The following CAND2 variants were observed in gnomAD, a reference collection of about 807,000 sequenced individuals.
CAND2 encodes the protein cullin associated and neddylation dissociated 2 (putative), also known as cullin-associated NEDD8-dissociated protein 2.
A neutral mutation model predicts 98.9 loss-of-function variants in CAND2; 62 were observed. The ratio of observed to expected loss-of-function variants is 0.63; its 90% CI spans 0.51 to 0.77. CAND2 has a LOEUF of 0.77. CAND2 is among the 30% of genes least tolerant of loss of function. The probability of loss-of-function intolerance (pLI) is 0.00; values close to 1 mark genes in which losing one functional copy is unlikely to be tolerated. For missense variants in CAND2, 1,501 were observed against 1,655.2 expected (o/e 0.91, Z 1.62); for synonymous variants, 770 against 731.9 (o/e 1.05, Z -0.84).
intron 4 of CAND2, among the ~76,000 whole-genome samples, chr3:12,808,742 AAG>A (rs1303463930): frequency 2.0e-5 from 3 of 152,144 alleles, no homozygotes; most frequent in Non-Finnish European, 2.9e-5. Context: ...AGCCTTCTAA[AAG>A]AGAGTGCTGC....
chr3:12,818,065 T>C (rs2061924344), intron 10 of CAND2, among the ~76,000 whole-genome samples, 189 bp downstream of exon 10: 1 of 152,214 alleles, frequency 6.6e-6, no homozygotes. Flanking sequence ...GCCTTCCTCC[T>C]ATGGGACTGT....
chr3:12,810,086 C>A lies in CAND2; in HGVS notation c.519C>A (p.His173Gln). 1 of 1,448,784 alleles carries A rather than the reference C, an allele frequency of 6.9e-7. No individual in the cohort carries two copies. Among genetic ancestry groups the A allele is most frequent in the Non-Finnish European group, 9.1e-7 (1 of 1,101,174 alleles). The allele number at this position is 1,448,784 out of a possible 1,614,324, so 89.7% of individuals were successfully genotyped here. A position where few individuals can be genotyped will look rare whatever the true frequency, so the allele number is the denominator to read the frequency against. ...SRLGVPLGAF[H>Q]ASLLHCLLPQ... ...TGGGTGTCCCGCTGGGCGCCTTCCA[C>A]GCCAGCCTCCTGCACTGTCTGCTGC... The change falls in exon 5 of 15, where the codon CAC (histidine) becomes CAA (glutamine). Residue 173 changes from histidine (H) to glutamine (Q), a missense_variant. By Grantham distance (24) the His-to-Gln change is conservative (BLOSUM62 0). This residue lies in a region of CAND2 where 1,427 missense variants were observed against 1,545.3 expected (regional missense o/e 0.92). Transcript: ENST00000456430.
chr3:12,817,784 G>A lies in CAND2; in HGVS notation c.2852G>A (p.Gly951Asp). Reference protein sequence around the residue: ...LFQRCEGAEEGTRGVVAECIG... With the variant: ...LFQRCEGAEEDTRGVVAECIG... ...CAGCGCTGCGAGGGTGCTGAGGAGG[G>A]CACCCGGGGGGTGGTGGCCGAGTGC... Residue 951 changes from glycine to aspartate, a missense_variant, in exon 10 of 15, where the codon GGC becomes GAC. By Grantham distance (94) the Gly-to-Asp change is moderately conservative (BLOSUM62 -1). Coordinates refer to ENST00000456430, the MANE Select transcript of CAND2 (RefSeq NM_001162499.2). 1 of 1,537,164 alleles carries A rather than the reference G, an allele frequency of 6.5e-7. No individual in the cohort carries two copies. The highest frequency in any genetic ancestry group is 1.3e-5 in the South Asian group (1 of 77,858).
At position 12,807,400 on chromosome 3, in the gene CAND2, C is replaced by T. The variant is rs1034238003; in HGVS notation, c.307C>T (p.Arg103Ter). Reference sequence around the variant, plus strand: ...CATGCGGTCAGACAAGGAGCAGCTGCGAGACATTGCCGGCATTGGCCTCAA... The same window carrying T: ...CATGCGGTCAGACAAGGAGCAGCTGTGAGACATTGCCGGCATTGGCCTCAA... ...TNMRSDKEQLRDIAGIGLKTV... is the reference protein window; with the variant it reads ...TNMRSDKEQL The change falls in exon 3 of 15, where the codon CGA (arginine) becomes TGA (stop). Residue 103 changes from arginine (R) to a stop codon, truncating the protein, a stop_gained. Coordinates refer to ENST00000456430, the MANE Select transcript of CAND2 (RefSeq NM_001162499.2). LOFTEE classifies it high-confidence loss of function. 5 of 1,551,618 alleles carry T rather than the reference C, an allele frequency of 3.2e-6. No individual in the cohort carries two copies. The highest frequency in any genetic ancestry group is 2.0e-5 in the Admixed American group (1 of 50,986).
intron 11 of CAND2, among the ~76,000 whole-genome samples, chr3:12,821,482 G>C (rs572418364): frequency 1.5e-4 from 23 of 152,318 alleles, no homozygotes; most frequent in Admixed American, 1.2e-3. Context: ...CAGCAGACGT[G>C]ACCGTGTTCT....
intron 10 of CAND2, among the ~76,000 whole-genome samples, chr3:12,818,280 A>G (rs1004109444): frequency 5.9e-5 from 9 of 151,960 alleles, no homozygotes; most frequent in African/African-American, 2.2e-4. Context: ...AAAACAAAAC[A>G]AAAAACCTCA....
In CAND2 at chr3:12,833,909, T is replaced by G; in HGVS notation, c.3638T>G (p.Leu1213Arg). Residue 1213 changes from leucine to arginine, a missense_variant, in exon 15 of 15, where the codon CTT (leucine) becomes CGT (arginine). Around this residue, in one of 3 missense-constraint regions of CAND2, gnomAD observed 1,427 missense variants for 1,545.3 expected, o/e 0.92. Coordinates refer to ENST00000456430, the MANE Select transcript of CAND2 (RefSeq NM_001162499.2). ...TCCCAAATCAGATCCAACCCTGAAC[T>G]TGCTGCCCTCTTTGAAAGCATCCAG... ...FSSQIRSNPE[L>R]AALFESIQKD... 6.2e-7 allele frequency: 1 copy of G among 1,614,202 alleles called. No homozygotes were observed. The highest frequency in any genetic ancestry group is 8.5e-7 in the Non-Finnish European group (1 of 1,180,030).
intron 5 of CAND2, 73 bp from the exon 6 acceptor site, chr3:12,812,917 T>C (rs2061864684): frequency 6.7e-6 from 6 of 901,042 alleles, no homozygotes; most frequent in Non-Finnish European, 1.1e-5. Context: ...GCATAGACAG[T>C]CTGAGTGCTG....
intron 10 of CAND2, 25 bp downstream of exon 10, chr3:12,817,901 C>T (rs2061923261): frequency 6.7e-7 from 1 of 1,485,662 alleles, no homozygotes; most frequent in East Asian, 2.4e-5. Flanking sequence ...GTGGGCAAGG[C>T]AGCCCACCTC....
rs2061838057 is a variant in CAND2, at chr3:12,810,058, G to A, written c.492-1G>A. ...GCCTGATGCCCCCTCGTGCTCCCCA[G>A]GCTGGGTGTCCCGCTGGGCGCCTTC... On this transcript the variant is annotated splice_acceptor_variant, in intron 4 of 14. Transcript: ENST00000456430. LOFTEE classifies it high-confidence loss of function. The A allele has an allele frequency of 7.0e-7, 1 of 1,424,072 alleles. No homozygotes were observed. 88.2% of individuals were successfully genotyped at this position (1,424,072 alleles called of 1,614,324 possible).
chr3:12,796,927 C>G (rs994065680), intron 1 of CAND2, 139 bp downstream of exon 1: 13 of 742,042 alleles, frequency 1.8e-5, no homozygotes, highest in Middle Eastern at 6.3e-4. Context: ...TAAGCTGCCC[C>G]CCTCCCCACA....
intron 4 of CAND2, among the ~76,000 whole-genome samples, chr3:12,809,358 C>T (rs2061832122): frequency 6.6e-6 from 1 of 152,250 alleles, no homozygotes; most frequent in African/African-American, 2.4e-5. Flanking sequence ...CCCTGGCTTC[C>T]AGCACAGTCC....
intron 11 of CAND2, among the ~76,000 whole-genome samples, chr3:12,820,887 G>A (rs2061952178): frequency 6.6e-6 from 1 of 152,208 alleles, no homozygotes; most frequent in Admixed American, 6.5e-5. Context: ...TCCTGGCCCT[G>A]CTATTCCCTG....
chr3:12,833,552 C>T (rs953162364), intron 14 of CAND2, among the ~76,000 whole-genome samples: 4 of 152,258 alleles, frequency 2.6e-5, no homozygotes, highest in East Asian at 3.9e-4. Context: ...GGCAAAGAAC[C>T]TCTGTGGGGA....
Position 12,810,321 on chromosome 3 carries a change from C to G in CAND2, c.754C>G (p.Leu252Val), listed in dbSNP as rs2061841634. The G allele has an allele frequency of 6.9e-7, 1 of 1,456,542 alleles. No homozygotes were observed. Among genetic ancestry groups the G allele is most frequent in the Admixed American group, 2.4e-5 (1 of 40,872 alleles). 90.2% of individuals were successfully genotyped at this position (1,456,542 alleles called of 1,614,324 possible). Reference protein sequence around the residue: ...GSVGRQAGHRLGAHLDRLVPL... With the variant: ...GSVGRQAGHRVGAHLDRLVPL... ...CGTCGGCCGCCAGGCCGGCCACCGC[C>G]TCGGTAAGGGGGCAGGGGGCGGGGC... The change falls in exon 5 of 15, where the codon CTC (leucine) becomes GTC (valine). Residue 252 changes from leucine to valine, a missense_variant. Physicochemically the swap from Leu to Val is conservative, Grantham distance 32. Coordinates refer to ENST00000456430, the MANE Select transcript of CAND2 (RefSeq NM_001162499.2).
chr3:12,806,737 C>T (rs961835218), intron 2 of CAND2, among the ~76,000 whole-genome samples: 1 of 152,148 alleles, frequency 6.6e-6, no homozygotes, highest in African/African-American at 2.4e-5. Context: ...GACCTTGTGG[C>T]GCTACAGATC....
intron 13 of CAND2, among the ~76,000 whole-genome samples, chr3:12,829,428 T>C (rs1434794972): frequency 6.6e-6 from 1 of 152,268 alleles, no homozygotes; most frequent in Admixed American, 6.5e-5. Context: ...ATTACAGGCA[T>C]GAGCCACCAC....
chr3:12,820,306 G>A, intron 11 of CAND2, 125 bp downstream of exon 11: 1 of 659,478 alleles, frequency 1.5e-6, no homozygotes, highest in Non-Finnish European at 2.6e-6. Flanking sequence ...CCCATGATGG[G>A]CAGCAGGGCC....
At chr3:12,799,837 T>C (rs1260154021) in intron 1 of CAND2, among the ~76,000 whole-genome samples, 1 of 152,178 alleles carries the variant, frequency 6.6e-6, no homozygotes, top group Admixed American at 6.5e-5. Flanking sequence ...GCTTAGGGGC[T>C]GTGGATGCAG....
Sources: gnomAD v4.1 joint callset for allele counts (sites outside exome capture counted in the v4.1 genomes callset) on GRCh38, gnomAD v4.1.1 for gene constraint, gnomAD v4.1.1 regional missense constraint, MANE v1.5 for transcripts, NCBI Gene and HGNC (gene_info 2026-07-23, HGNC 2026-07-21) for gene names.